Variants in NR5A2 observed in about 807,000 individuals in gnomAD.
NR5A2 encodes the protein nuclear receptor subfamily 5 group A member 2, also known as CYP7A promoter-binding factor.
Under a neutral mutation model 62.7 loss-of-function variants are expected in NR5A2, and 26 were observed. The observed-to-expected ratio is 0.41, with a 90% CI of 0.30 to 0.58. The LOEUF is 0.58. Among genes scored for constraint, NR5A2 ranks in the 20% least tolerant of loss-of-function variants. The pLI is 0.22. For missense variants in NR5A2, 541 were observed against 669.1 expected (o/e 0.81, Z 2.11); for synonymous variants, 246 against 241.7 (o/e 1.02, Z -0.16).
chr1:200,167,601 C>G (rs1653964667), intron 7 of NR5A2, among the ~76,000 whole-genome samples: 1 of 152,216 alleles, frequency 6.6e-6, no homozygotes, highest in South Asian at 2.1e-4. Context: ...CCATTTCCCT[C>G]TTTCCTAAAA....
At chr1:200,101,439 A>G (rs567643530) in intron 5 of NR5A2, among the ~76,000 whole-genome samples, 1 of 152,348 alleles carries the variant, frequency 6.6e-6, no homozygotes, top group South Asian at 2.1e-4. Flanking sequence ...GTTTGTCAAT[A>G]CACGAATTGC....
intron 5 of NR5A2, among the ~76,000 whole-genome samples, chr1:200,063,613 G>A (rs1391555407): frequency 1.3e-5 from 2 of 152,028 alleles, no homozygotes; most frequent in Non-Finnish European, 1.5e-5. Context: ...TATTTGGAAG[G>A]GTCCAGCTGA....
chr1:200,082,272 T>C (rs549946516), intron 5 of NR5A2, among the ~76,000 whole-genome samples: 3 of 152,348 alleles, frequency 2.0e-5, no homozygotes, highest in South Asian at 2.1e-4. Flanking sequence ...ATAAAACAGA[T>C]GCACTATTTA....
intron 7 of NR5A2, among the ~76,000 whole-genome samples, chr1:200,157,407 A>T (rs918858081): frequency 1.3e-5 from 2 of 152,230 alleles, no homozygotes; most frequent in Non-Finnish European, 2.9e-5. Context: ...CTTCCATGCA[A>T]ACCTTAGAAT....
chr1:200,069,873 A>G (rs1404229552), intron 5 of NR5A2, among the ~76,000 whole-genome samples: 1 of 112,998 alleles, frequency 8.8e-6, no homozygotes, highest in Non-Finnish European at 1.9e-5. Context: ...ATGTCTCAAT[A>G]TTACACGTGT....
At chr1:200,038,976 C>G (rs1042597993) in intron 1 of NR5A2, among the ~76,000 whole-genome samples, 48 of 152,024 alleles carry the variant, frequency 3.2e-4, no homozygotes, top group Admixed American at 1.6e-3. Context: ...TCCCCCAACC[C>G]CTGGCCCTAC....
intron 7 of NR5A2, among the ~76,000 whole-genome samples, chr1:200,127,689 A>T (rs1336392009): frequency 1.6e-4 from 10 of 61,406 alleles, no homozygotes; most frequent in African/African-American, 4.6e-4. Context: ...AAAAAAAAAA[A>T]AAAAAAAAAA....
Position 200,176,034 on chromosome 1 carries a change from A to T in NR5A2, c.*1824A>T, listed in dbSNP as rs180686605. 5.9e-5 allele frequency: 9 copies of T among 152,788 alleles called. No homozygotes were observed. The highest frequency in any genetic ancestry group is 4.6e-4 in the Admixed American group (7 of 15,304). 9.5% of individuals were successfully genotyped at this position (152,788 alleles called of 1,614,324 possible). ...ACCAAATATATGTGTTTACTGTAGC[A>T]TGTCTTCAAATTAGTGGAACTTAGT... On this transcript the variant is annotated 3_prime_UTR_variant, in exon 8 of 8. Transcript: ENST00000367362.
At chr1:200,140,530 G>A (rs1667399738) in intron 7 of NR5A2, among the ~76,000 whole-genome samples, 1 of 152,080 alleles carries the variant, frequency 6.6e-6, no homozygotes, top group South Asian at 2.1e-4. Flanking sequence ...TTGTGTTTCT[G>A]TGATTTAGGT....
rs574305689 is a variant in NR5A2, at chr1:200,095,952, T to C, written c.1111-15250T>C. On this transcript the variant is annotated intron_variant, in intron 5 of 7. Transcript: ENST00000367362. ...CTACTAGATGGGCCTGAAAATGCTT[T>C]GGTTCTCTAACTTGTGTGTAATGGC... Among the ~76,000 whole-genome samples, 3 of 152,360 alleles carry C rather than the reference T, an allele frequency of 2.0e-5. No individual in the cohort carries two copies. In the South Asian group the frequency reaches 6.2e-4, roughly 32 times the overall value.
In NR5A2 at chr1:200,147,741, G is replaced by A. The variant is rs1420309578; in HGVS notation, c.1379-26222G>A. The A allele has an allele frequency of 1.1e-5, 6 of 568,072 alleles. No individual in the cohort carries two copies. The highest frequency in any genetic ancestry group is 3.7e-5 in the East Asian group (1 of 27,200). 35.2% of individuals were successfully genotyped at this position (568,072 alleles called of 1,614,324 possible). The stretch of plus-strand genomic sequence containing the variant: ...CCCTGAGCGCCTCTCCCACGTCCAC[G>A]GTGAAGACGCGGATGCCGGCGCGAA... On this transcript the variant is annotated intron_variant, in intron 7 of 7. Coordinates refer to ENST00000367362, the MANE Select transcript of NR5A2 (RefSeq NM_205860.3). The surrounding 1 kb of genome is among the most constrained non-coding windows in gnomAD (Gnocchi z 4.9).
At chr1:200,060,839 C>T (rs1663168621) in intron 5 of NR5A2, among the ~76,000 whole-genome samples, 1 of 150,600 alleles carries the variant, frequency 6.6e-6, no homozygotes, top group Non-Finnish European at 1.5e-5. Context: ...TGTGATGGCT[C>T]ATGCCTGTAA....
chr1:200,068,837 G>C (rs1663614821), intron 5 of NR5A2, among the ~76,000 whole-genome samples: 2 of 152,110 alleles, frequency 1.3e-5, no homozygotes, highest in African/African-American at 4.8e-5. Flanking sequence ...AATAAAGATA[G>C]AAATCTACAC....
chr1:200,065,070 C>T (rs1053110620), intron 5 of NR5A2, among the ~76,000 whole-genome samples: 67 of 152,254 alleles, frequency 4.4e-4, no homozygotes, highest in African/African-American at 1.6e-3. Flanking sequence ...CAGGCTTGAT[C>T]CACCATGCCC....
chr1:200,114,740 C>A (rs975601579), intron 6 of NR5A2, among the ~76,000 whole-genome samples: 2 of 152,126 alleles, frequency 1.3e-5, no homozygotes, highest in Non-Finnish European at 2.9e-5. Flanking sequence ...GACTATTATC[C>A]CTCTTTGGCA....
chr1:200,134,003 A>C (rs531271584), intron 7 of NR5A2, among the ~76,000 whole-genome samples: 44 of 152,078 alleles, frequency 2.9e-4, no homozygotes, highest in Non-Finnish European at 5.9e-4. Flanking sequence ...AAAGTTTAAA[A>C]AGTAGATAAA....
In NR5A2 at chr1:200,039,566, G is replaced by T. The variant is rs1378736749; in HGVS notation, c.65-92G>T. 3.8e-6 allele frequency: 6 copies of T among 1,573,002 alleles called. No individual in the cohort carries two copies. In the Admixed American group the frequency reaches 8.6e-5, roughly 23 times the overall value. ...GGCAGCCCCGAGGAGGCGGAGGCACGCTCCGGCGAGGCGAGAGGGTTGGGT... is the reference window on the plus strand; with the variant it reads ...GGCAGCCCCGAGGAGGCGGAGGCACTCTCCGGCGAGGCGAGAGGGTTGGGT... On this transcript the variant is annotated intron_variant, in intron 1 of 7. Transcript: ENST00000367362. The surrounding 1 kb of genome is among the most constrained non-coding windows in gnomAD (Gnocchi z 5.1).
At chr1:200,075,140 G>A (rs1471871247) in intron 5 of NR5A2, among the ~76,000 whole-genome samples, 1 of 152,114 alleles carries the variant, frequency 6.6e-6, no homozygotes, top group East Asian at 1.9e-4. Context: ...ATTTTTTGGA[G>A]TGCCTATTTT....
At chr1:200,135,533 AAG>A (rs565533319) in intron 7 of NR5A2, among the ~76,000 whole-genome samples, 38 of 127,806 alleles carry the variant, frequency 3.0e-4, no homozygotes, top group African/African-American at 1.3e-3. Flanking sequence ...AAAAAAAAAA[AAG>A]AAGAAGAAGA....
Sources: gnomAD v4.1 joint callset for allele counts (sites outside exome capture counted in the v4.1 genomes callset) on GRCh38, gnomAD v4.1.1 for gene constraint, Gnocchi (gnomAD v3.1) non-coding constraint, MANE v1.5 for transcripts, NCBI Gene and HGNC (gene_info 2026-07-23, HGNC 2026-07-21) for gene names.